SLC4A10: variants seen among roughly 807,000 people sequenced by gnomAD.
SLC4A10 encodes the protein sodium-driven chloride bicarbonate exchanger.
SLC4A10 carries 42 observed loss-of-function variants against 137.7 expected under a neutral mutation model. The ratio of observed to expected loss-of-function variants is 0.30; its 90% confidence interval spans 0.24 to 0.39. The LOEUF (loss-of-function observed/expected upper bound fraction) is 0.39. Ranked by LOEUF, SLC4A10 falls within the 10% of genes least tolerant of loss-of-function variation. The probability of loss-of-function intolerance (pLI) is 1.00; values close to 1 mark genes in which losing one functional copy is unlikely to be tolerated. For synonymous variants in SLC4A10, 474 were observed against 464.1 expected, an observed-to-expected ratio of 1.02 and a Z score of -0.27; for missense variants, 925 against 1,355.0, an observed-to-expected ratio of 0.68 and a Z score of 4.98.
chr2:161,978,116 G>A (rs997131212), intron 26 of SLC4A10, among the ~76,000 whole-genome samples: 1 of 152,158 alleles, frequency 6.6e-6, no homozygotes, highest in Admixed American at 6.6e-5. Flanking sequence ...CTGGTGTGGT[G>A]ACTCATGCTT....
intron 15 of SLC4A10, among the ~76,000 whole-genome samples, chr2:161,910,300 A>G (rs1333620620): frequency 6.6e-6 from 1 of 152,158 alleles, no homozygotes; most frequent in Non-Finnish European, 1.5e-5. Flanking sequence ...TTGAAAATAT[A>G]AGCTTTTCTT....
At chr2:161,824,713 T>A (rs72879215) in intron 3 of SLC4A10, among the ~76,000 whole-genome samples, 1 of 152,178 alleles carries the variant, frequency 6.6e-6, no homozygotes, top group African/African-American at 2.4e-5. Flanking sequence ...GGTTCAACTT[T>A]TTTTACAACA....
chr2:161,722,294 G>A (rs1264776830), intron 1 of SLC4A10, among the ~76,000 whole-genome samples: 1 of 152,142 alleles, frequency 6.6e-6, no homozygotes, highest in African/African-American at 2.4e-5. Context: ...TGTTTGCATT[G>A]GTTCTTTCTC....
intron 21 of SLC4A10, among the ~76,000 whole-genome samples, chr2:161,962,436 A>G (rs1696883373): frequency 6.6e-6 from 1 of 152,344 alleles, no homozygotes; most frequent in Admixed American, 6.5e-5. Context: ...GAAATATTCC[A>G]TTGTAAGCCA....
chr2:161,882,563 T>A (rs2061882814), intron 10 of SLC4A10, 119 bp downstream of exon 10: 1 of 506,524 alleles, frequency 2.0e-6, no homozygotes, highest in Admixed American at 4.1e-5. Flanking sequence ...AATCCCATTC[T>A]CCCATGCTTC....
intron 3 of SLC4A10, among the ~76,000 whole-genome samples, chr2:161,835,113 C>G (rs1203836217): frequency 6.6e-6 from 1 of 150,750 alleles, no homozygotes; most frequent in Non-Finnish European, 1.5e-5. Flanking sequence ...TCTTGGCTCA[C>G]TGCAACCCCC....
chr2:161,786,052 G>A lies in SLC4A10; in HGVS notation c.130+14998G>A, dbSNP rs950857346. ...CTCCACTGTTATTGTATATCTGTCT[G>A]TCTCTTTTCTGAGGTCTAATGGCAT... On this transcript the variant is annotated intron_variant, in intron 2 of 26. Transcript: ENST00000446997. Among the ~76,000 whole-genome samples the A allele has an allele frequency of 9.2e-5, 14 of 151,766 alleles. No homozygotes were observed. In the East Asian group the frequency reaches 2.5e-3, roughly 27 times the overall value.
At chr2:161,945,212 AT>A (rs1693555982) in intron 16 of SLC4A10, among the ~76,000 whole-genome samples, 4 of 97,590 alleles carry the variant, frequency 4.1e-5, no homozygotes, top group Non-Finnish European at 9.3e-5. Context: ...ATATATATAT[AT>A]ATATATATAT....
At chr2:161,643,087 A>G (rs1211776804) in intron 1 of SLC4A10, among the ~76,000 whole-genome samples, 1 of 152,072 alleles carries the variant, frequency 6.6e-6, no homozygotes, top group Non-Finnish European at 1.5e-5. Context: ...GTGAAAAGGA[A>G]ACAACCTGAG....
In SLC4A10 at chr2:161,947,847, G is replaced by A. The variant is rs573008640; in HGVS notation, c.2265+120G>A. 2.6e-3 allele frequency: 2,825 copies of A among 1,103,390 alleles called. 2 individuals carry two copies. The highest frequency in any genetic ancestry group is 3.3e-3 in the Non-Finnish European group (2,570 of 773,214). The allele number at this position is 1,103,390 out of a possible 1,614,324, so 68.3% of individuals were successfully genotyped here. A position where few individuals can be genotyped will look rare whatever the true frequency, so the allele number is the denominator to read the frequency against. ...GTGAGTGAGCTGCCAGGTTAGTTGT[G>A]GAGTGAGATGAGGGGCTGAAGAGAA... is the stretch of plus-strand genomic sequence containing the variant. On this transcript the variant is annotated intron_variant, in intron 17 of 26. Transcript: ENST00000446997.
intron 3 of SLC4A10, among the ~76,000 whole-genome samples, chr2:161,820,539 T>C (rs888121514): frequency 1.3e-5 from 2 of 152,220 alleles, no homozygotes; most frequent in African/African-American, 4.8e-5. Context: ...TTTTGAACGT[T>C]ATATAAATGA....
At chr2:161,916,232 C>A (rs1362734011) in intron 15 of SLC4A10, among the ~76,000 whole-genome samples, 1 of 152,196 alleles carries the variant, frequency 6.6e-6, no homozygotes, top group African/African-American at 2.4e-5. Flanking sequence ...AAGTTATGGG[C>A]AAACTCTTGC....
intron 1 of SLC4A10, among the ~76,000 whole-genome samples, chr2:161,693,007 A>C (rs2042152376): frequency 6.6e-6 from 1 of 152,114 alleles, no homozygotes; most frequent in African/African-American, 2.4e-5. Context: ...TGAAACAATA[A>C]ACAGTGTTTC....
intron 1 of SLC4A10, among the ~76,000 whole-genome samples, chr2:161,693,442 A>G (rs1172561486): frequency 6.6e-6 from 1 of 152,070 alleles, no homozygotes; most frequent in Non-Finnish European, 1.5e-5. Flanking sequence ...TCTACTTCCT[A>G]GAAACCTGTG....
At chr2:161,794,598 G>C (rs916176958) in intron 2 of SLC4A10, among the ~76,000 whole-genome samples, 7 of 152,036 alleles carry the variant, frequency 4.6e-5, no homozygotes, top group African/African-American at 1.7e-4. Flanking sequence ...GCCTTATTGA[G>C]GTAAATTGAT....
At chr2:161,718,998 A>T (rs541677709) in intron 1 of SLC4A10, among the ~76,000 whole-genome samples, 1 of 152,222 alleles carries the variant, frequency 6.6e-6, no homozygotes, top group Admixed American at 6.6e-5. Flanking sequence ...GGTGTGCTGC[A>T]CCCATTAACT....
At chr2:161,926,207 C>G (rs373248644) in intron 15 of SLC4A10, among the ~76,000 whole-genome samples, 2 of 149,982 alleles carry the variant, frequency 1.3e-5, no homozygotes, top group East Asian at 2.0e-4. Context: ...GTAGGTCACT[C>G]AGGACTTGCT....
chr2:161,841,564 G>T (rs2059186266), intron 4 of SLC4A10, among the ~76,000 whole-genome samples: 2 of 152,164 alleles, frequency 1.3e-5, no homozygotes, highest in South Asian at 4.1e-4. Context: ...TTTACTCAGT[G>T]TAGAAATAAA....
At chr2:161,643,465 T>C (rs1051902819) in intron 1 of SLC4A10, among the ~76,000 whole-genome samples, 2 of 152,146 alleles carry the variant, frequency 1.3e-5, no homozygotes, top group Non-Finnish European at 2.9e-5. Flanking sequence ...TCAATTTGAC[T>C]GGCAGTAATT....
Sources: allele counts gnomAD v4.1 joint callset (sites outside exome capture counted in the v4.1 genomes callset), GRCh38; gene constraint gnomAD v4.1.1; transcripts MANE v1.5; gene names NCBI Gene and HGNC (gene_info 2026-07-23, HGNC 2026-07-21).